KATNIP: variants seen among roughly 807,000 people sequenced by gnomAD.
The protein encoded by KATNIP is katanin-interacting protein.
KATNIP carries 126 observed loss-of-function variants against 174.0 expected under a neutral mutation model. The ratio of observed to expected loss-of-function variants is 0.72; its 90% confidence interval spans 0.63 to 0.84. The LOEUF (loss-of-function observed/expected upper bound fraction) is 0.84. KATNIP is among the 40% of genes least tolerant of loss of function. The pLI is 0.00. For synonymous variants in KATNIP, 810 were observed against 835.7 expected (o/e 0.97, Z 0.53); for missense variants, 1,958 against 2,109.7 (o/e 0.93, Z 1.41).
At chr16:27,565,611 C>A (rs182383288) in intron 1 of KATNIP, among the ~76,000 whole-genome samples, 3 of 152,102 alleles carry the variant, frequency 2.0e-5, no homozygotes, top group Admixed American at 2.0e-4. Context: ...CATAGTGAGA[C>A]CCCTGTCTCT....
intron 7 of KATNIP, chr16:27,679,020 T>C (rs2078227476): frequency 1.3e-5 from 2 of 152,266 alleles, no homozygotes; most frequent in African/African-American, 2.4e-5. Context: ...ATCCTATTCA[T>C]GTGCACCGTC....
At chr16:27,721,369 G>A (rs2080231112) in intron 13 of KATNIP, among the ~76,000 whole-genome samples, 189 bp from the exon 14 acceptor site, 1 of 152,200 alleles carries the variant, frequency 6.6e-6, no homozygotes, top group East Asian at 1.9e-4. Context: ...GTAGCCTGCT[G>A]TGAAGTGCCG....
At chr16:27,659,699 G>A (rs2077408874) in intron 6 of KATNIP, among the ~76,000 whole-genome samples, 1 of 152,130 alleles carries the variant, frequency 6.6e-6, no homozygotes, top group South Asian at 2.1e-4. Context: ...AGGCATGTAG[G>A]AGAGGCTTTC....
chr16:27,571,609 TCTGCTCCCTC>T (rs2090297772), intron 1 of KATNIP, among the ~76,000 whole-genome samples: 1 of 152,180 alleles, frequency 6.6e-6, no homozygotes, highest in South Asian at 2.1e-4. Context: ...CTGGAGGAGC[TCTGCTCCCTC>T]CTGCTGCCTG....
At chr16:27,741,244 C>T (rs2081097540) in intron 15 of KATNIP, among the ~76,000 whole-genome samples, 2 of 152,148 alleles carry the variant, frequency 1.3e-5, no homozygotes, top group African/African-American at 4.8e-5. Flanking sequence ...ATAGAGACAT[C>T]GGTCTCTAGT....
intron 1 of KATNIP, among the ~76,000 whole-genome samples, chr16:27,569,050 T>G (rs1362280638): frequency 6.6e-6 from 1 of 152,212 alleles, no homozygotes; most frequent in Non-Finnish European, 1.5e-5. Flanking sequence ...CATATATATT[T>G]TTATCATGTA....
intron 1 of KATNIP, among the ~76,000 whole-genome samples, chr16:27,566,102 A>G (rs904657990): frequency 2.0e-5 from 3 of 150,860 alleles, no homozygotes; most frequent in African/African-American, 4.9e-5. Flanking sequence ...CCAAAGTGAT[A>G]GGATTACAGG....
At chr16:27,679,590 A>C (rs923849916) in intron 7 of KATNIP, among the ~76,000 whole-genome samples, 1 of 151,948 alleles carries the variant, frequency 6.6e-6, no homozygotes, top group Non-Finnish European at 1.5e-5. Flanking sequence ...CTACAAAAAA[A>C]TGTTTTAAAA....
At chr16:27,615,792 A>G (rs992749416) in intron 2 of KATNIP, among the ~76,000 whole-genome samples, 1 of 152,190 alleles carries the variant, frequency 6.6e-6, no homozygotes, top group African/African-American at 2.4e-5. Context: ...GAGAAGACCT[A>G]TTGCATTAAG....
At chr16:27,587,120 A>C (rs2090933363) in intron 2 of KATNIP, among the ~76,000 whole-genome samples, 5 of 151,908 alleles carry the variant, frequency 3.3e-5, no homozygotes, top group African/African-American at 1.2e-4. Context: ...CAATTACCTA[A>C]CCTCTCTGCG....
intron 6 of KATNIP, among the ~76,000 whole-genome samples, chr16:27,671,592 G>A (rs533796883): frequency 1.0e-3 from 159 of 152,310 alleles, no homozygotes; most frequent in African/African-American, 3.6e-3. Flanking sequence ...AGTCAGTCAT[G>A]TCTGTCATCT....
intron 3 of KATNIP, among the ~76,000 whole-genome samples, chr16:27,626,008 C>T (rs1472445448): frequency 1.3e-5 from 2 of 151,980 alleles, no homozygotes; most frequent in Admixed American, 6.6e-5. Flanking sequence ...CGCTACCACG[C>T]CCAGTTAATT....
intron 2 of KATNIP, among the ~76,000 whole-genome samples, chr16:27,598,233 G>C (rs1274837276): frequency 9.4e-6 from 1 of 106,558 alleles, no homozygotes; most frequent in East Asian, 3.1e-4. Context: ...GACAGAGCAA[G>C]ACTCCATCTC....
At chr16:27,669,177 G>A (rs1379454449) in intron 6 of KATNIP, 2 of 560,228 alleles carry the variant, frequency 3.6e-6, no homozygotes, top group Admixed American at 1.3e-4. Flanking sequence ...ACTTTTCCTA[G>A]TTCAGCAGAA....
intron 7 of KATNIP, 130 bp from the exon 8 acceptor site, chr16:27,681,269 C>T: frequency 1.6e-6 from 2 of 1,230,892 alleles, no homozygotes; most frequent in Non-Finnish European, 2.3e-6. Context: ...TCTCTAATCC[C>T]AAACTGCACA....
chr16:27,680,077 G>C (rs1427826649), intron 7 of KATNIP, among the ~76,000 whole-genome samples: 2 of 152,034 alleles, frequency 1.3e-5, no homozygotes, highest in South Asian at 2.1e-4. Flanking sequence ...TCATCATGGC[G>C]CTGGGTTCAC....
At chr16:27,676,702 T>C (rs1016938322) in intron 6 of KATNIP, among the ~76,000 whole-genome samples, 1 of 152,120 alleles carries the variant, frequency 6.6e-6, no homozygotes, top group Non-Finnish European at 1.5e-5. Context: ...TGTGTGTGTG[T>C]GTGTGTATCT....
At position 27,750,010 on chromosome 16, in the gene KATNIP, A is replaced by C. The variant is rs548831644; in HGVS notation, c.3050A>C (p.Asp1017Ala). The change falls in exon 16 of 28, where the codon GAT becomes GCT. Residue 1017 changes from aspartate to alanine, a missense_variant. Transcript: ENST00000261588. ...QISNIKADPPDINILPAYGKD... is the reference protein window; with the variant it reads ...QISNIKADPPAINILPAYGKD... ...TCAAACATAAAAGCAGACCCTCCCGATATCAATATTTTACCAGCCTATGGG... is the reference window on the plus strand; with the variant it reads ...TCAAACATAAAAGCAGACCCTCCCGCTATCAATATTTTACCAGCCTATGGG... The C allele has an allele frequency of 4.4e-5, 71 of 1,614,126 alleles. No homozygotes were observed. In the South Asian group the frequency reaches 7.2e-4, roughly 16 times the overall value.
At chr16:27,639,385 A>G (rs896544627) in intron 5 of KATNIP, among the ~76,000 whole-genome samples, 2 of 152,122 alleles carry the variant, frequency 1.3e-5, no homozygotes, top group African/African-American at 4.8e-5. Context: ...TTAGATCTTT[A>G]TGCTGCTATC....
Sources: allele counts gnomAD v4.1 joint callset (sites outside exome capture counted in the v4.1 genomes callset), GRCh38; gene constraint gnomAD v4.1.1; transcripts MANE v1.5; gene names NCBI Gene and HGNC (gene_info 2026-07-23, HGNC 2026-07-21).